ADAM32: variants seen among roughly 807,000 people sequenced by gnomAD.
The protein encoded by ADAM32 is ADAM metallopeptidase domain 32.
In ADAM32, 89 loss-of-function variants were observed where a neutral mutation model predicts 114.9. The observed-to-expected ratio is 0.77, with a 90% CI of 0.65 to 0.92. The LOEUF (loss-of-function observed/expected upper bound fraction) is 0.92, where lower values mean the gene tolerates loss of function less well. Among genes scored for constraint, ADAM32 ranks in the 40% least tolerant of loss-of-function variants. The pLI is 0.00. For synonymous variants in ADAM32, 285 were observed against 307.5 expected (o/e 0.93, Z 0.77); for missense variants, 870 against 932.8 (o/e 0.93, Z 0.88).
chr8:39,264,535 T>C (rs1348721769), intron 19 of ADAM32, among the ~76,000 whole-genome samples: 1 of 152,188 alleles, frequency 6.6e-6, no homozygotes, highest in East Asian at 1.9e-4. Flanking sequence ...TCCTGGATTA[T>C]TGTGTCTCAA....
chr8:39,189,912 G>T (rs1162907583), intron 11 of ADAM32, among the ~76,000 whole-genome samples: 1 of 151,956 alleles, frequency 6.6e-6, no homozygotes, highest in Non-Finnish European at 1.5e-5. Context: ...CCTCCTGGGT[G>T]CACGCCATTC....
chr8:39,216,900 A>ATAATAATAAAGTGTTG (rs148853960), intron 12 of ADAM32, among the ~76,000 whole-genome samples: 1 of 151,956 alleles, frequency 6.6e-6, no homozygotes, highest in African/African-American at 2.4e-5. Context: ...TTAAAGTGTT[A>ATAATAATAAAGTGTTG]TAATAATAAA....
chr8:39,119,880 A>G (rs1840521175), intron 2 of ADAM32, among the ~76,000 whole-genome samples: 1 of 152,208 alleles, frequency 6.6e-6, no homozygotes, highest in African/African-American at 2.4e-5. Flanking sequence ...CATGAGGTCA[A>G]GGGCCTTATG....
At chr8:39,108,738 A>G (rs192241110) in intron 1 of ADAM32, among the ~76,000 whole-genome samples, 15 of 152,052 alleles carry the variant, frequency 9.9e-5, no homozygotes, top group African/African-American at 3.6e-4. Flanking sequence ...AACTCTTCCT[A>G]CTCTTCTTCC....
intron 10 of ADAM32, among the ~76,000 whole-genome samples, chr8:39,170,221 C>T (rs187373657): frequency 9.2e-4 from 140 of 152,138 alleles, no homozygotes; most frequent in Non-Finnish European, 4.0e-4. Flanking sequence ...ATCATAAATA[C>T]GCATGCTGTT....
At chr8:39,126,446 TG>T (rs979881878) in intron 2 of ADAM32, among the ~76,000 whole-genome samples, 1 of 152,182 alleles carries the variant, frequency 6.6e-6, no homozygotes, top group Non-Finnish European at 1.5e-5. Context: ...CAGTTGTGAA[TG>T]GGAGTTAATT....
In ADAM32 at chr8:39,284,901, G is replaced by T. The variant is rs558430095; in HGVS notation, c.*102G>T. The T allele has an allele frequency of 6.9e-7, 1 of 1,450,426 alleles. No individual in the cohort carries two copies. Among genetic ancestry groups the T allele is most frequent in the South Asian group, 1.2e-5 (1 of 84,252 alleles). The allele number at this position is 1,450,426 out of a possible 1,614,324, so 89.8% of individuals were successfully genotyped here. The stretch of plus-strand genomic sequence containing the variant: ...ACAGCTGAAAGAAACAATAAATTGA[G>T]TGTGGATCAATTTGCATGCCAGCGT... On this transcript the variant is annotated 3_prime_UTR_variant, in exon 25 of 25. Coordinates refer to ENST00000379907, the MANE Select transcript of ADAM32 (RefSeq NM_145004.7).
At chr8:39,108,362 G>T (rs926387387) in intron 1 of ADAM32, among the ~76,000 whole-genome samples, 1 of 152,130 alleles carries the variant, frequency 6.6e-6, no homozygotes, top group Non-Finnish European at 1.5e-5. Context: ...GGCAACAGTA[G>T]GCAACAGAGG....
chr8:39,118,613 T>A (rs1267311526), intron 2 of ADAM32, among the ~76,000 whole-genome samples: 1 of 152,182 alleles, frequency 6.6e-6, no homozygotes, highest in African/African-American at 2.4e-5. Context: ...ATTGATTTAT[T>A]TAGCAACTAT....
At chr8:39,171,096 G>A (rs1805160012) in intron 10 of ADAM32, among the ~76,000 whole-genome samples, 1 of 152,032 alleles carries the variant, frequency 6.6e-6, no homozygotes, top group Non-Finnish European at 1.5e-5. Context: ...ACAACAACCA[G>A]CTAACTTTTT....
chr8:39,172,655 T>G (rs1020027836), intron 10 of ADAM32, among the ~76,000 whole-genome samples: 1 of 152,250 alleles, frequency 6.6e-6, no homozygotes, highest in African/African-American at 2.4e-5. Flanking sequence ...GCAAAGTCTT[T>G]CCTTTTTTCG....
chr8:39,252,307 A>G (rs1811358165), intron 17 of ADAM32, among the ~76,000 whole-genome samples: 1 of 151,658 alleles, frequency 6.6e-6, no homozygotes, highest in Non-Finnish European at 1.5e-5. Context: ...AAAGTGGGAA[A>G]ACTTAAAAAA....
At chr8:39,263,547 C>T (rs1007907001) in intron 19 of ADAM32, among the ~76,000 whole-genome samples, 3 of 151,782 alleles carry the variant, frequency 2.0e-5, no homozygotes, top group Admixed American at 6.6e-5. Context: ...TTTTCTTTTG[C>T]GATTGGAATA....
At chr8:39,254,273 G>T in intron 17 of ADAM32, 141 bp from the exon 18 acceptor site, 2 of 497,526 alleles carry the variant, frequency 4.0e-6, no homozygotes, top group Non-Finnish European at 6.7e-6. Context: ...TGTAGTCTAA[G>T]AAACCAAACA....
At chr8:39,176,129 A>G (rs1009211094) in intron 10 of ADAM32, among the ~76,000 whole-genome samples, 2 of 152,146 alleles carry the variant, frequency 1.3e-5, no homozygotes, top group African/African-American at 4.8e-5. Flanking sequence ...TTTTTCAAAA[A>G]AGCAGCTCCT....
intron 16 of ADAM32, among the ~76,000 whole-genome samples, chr8:39,244,616 A>T (rs760577583): frequency 1.3e-5 from 2 of 152,186 alleles, no homozygotes; most frequent in Non-Finnish European, 2.9e-5. Context: ...ATGAAACTGG[A>T]TCCTCATCTC....
At chr8:39,197,733 CAT>C (rs1807103443) in intron 11 of ADAM32, among the ~76,000 whole-genome samples, 1 of 152,124 alleles carries the variant, frequency 6.6e-6, no homozygotes, top group Non-Finnish European at 1.5e-5. Flanking sequence ...TGTGGCCTAA[CAT>C]GTGGACTATG....
chr8:39,170,152 A>C (rs913743373), intron 10 of ADAM32, among the ~76,000 whole-genome samples, 155 bp downstream of exon 10: 1 of 152,150 alleles, frequency 6.6e-6, no homozygotes, highest in Admixed American at 6.5e-5. Context: ...AGAAGGAAGA[A>C]TATTTTGTAG....
At chr8:39,261,754 G>A (rs1159150019) in intron 19 of ADAM32, among the ~76,000 whole-genome samples, 1 of 152,024 alleles carries the variant, frequency 6.6e-6, no homozygotes, top group African/African-American at 2.4e-5. Flanking sequence ...TAACTGGGGT[G>A]CGAGATTACC....
Sources: allele counts gnomAD v4.1 joint callset (sites outside exome capture counted in the v4.1 genomes callset), GRCh38; gene constraint gnomAD v4.1.1; transcripts MANE v1.5; gene names NCBI Gene and HGNC (gene_info 2026-07-23, HGNC 2026-07-21).